Variants in XG observed in about 807,000 individuals in gnomAD.
XG encodes glycoprotein Xg.
Under a neutral mutation model 25.7 loss-of-function variants are expected in XG, and 24 were observed. The observed-to-expected ratio is 0.93, with a 90% CI of 0.68 to 1.31. The LOEUF is 1.31. Among genes scored for constraint, XG ranks in the 40% most tolerant of loss-of-function variants. The probability of loss-of-function intolerance (pLI) is 0.00; values close to 1 mark genes in which losing one functional copy is unlikely to be tolerated. For synonymous variants in XG, 77 were observed against 69.2 expected (o/e 1.11, Z -0.56); for missense variants, 181 against 187.6 (o/e 0.96, Z 0.21).
At chrX:2,754,995 C>T (rs950254274) in intron 1 of XG, among the ~76,000 whole-genome samples, 11 of 152,162 alleles carry the variant, frequency 7.2e-5, no homozygotes, top group Non-Finnish European at 1.5e-5. Context: ...TGGACGGGGG[C>T]AGCCGGCAGC....
At chrX:2,755,145 C>T (rs1209880806) in intron 1 of XG, among the ~76,000 whole-genome samples, 1 of 152,082 alleles carries the variant, frequency 6.6e-6, no homozygotes, top group Non-Finnish European at 1.5e-5. Context: ...GACGCCAAGA[C>T]GGGGTTCTTG....
intron 5 of XG, among the ~76,000 whole-genome samples, chrX:2,793,044 C>T (rs958787872): frequency 7.3e-5 from 8 of 109,934 alleles, no homozygotes; most frequent in African/African-American, 2.3e-4. Context: ...GGACTACAGG[C>T]GCACACCACC....
intron 3 of XG, among the ~76,000 whole-genome samples, chrX:2,775,525 C>T (rs1168894910): frequency 2.6e-5 from 4 of 152,022 alleles, no homozygotes; most frequent in African/African-American, 7.2e-5. Flanking sequence ...TTTGGGGGAA[C>T]GAAAGCATTC....
At chrX:2,808,163 G>A (rs754399310) in intron 8 of XG, 22 bp from the exon 9 acceptor site, 5 of 1,209,964 alleles carry the variant, frequency 4.1e-6, no homozygotes, top group Middle Eastern at 2.3e-4. Flanking sequence ...GAATAAACAC[G>A]AACATCCTTT....
At chrX:2,796,995 A>C (rs750991636) in intron 6 of XG, among the ~76,000 whole-genome samples, 1 of 112,087 alleles carries the variant, frequency 8.9e-6, no homozygotes, top group South Asian at 3.8e-4. Flanking sequence ...GGCTGATCTC[A>C]TATCAGTTTC....
chrX:2,794,266 C>T (rs2086862744), intron 5 of XG, among the ~76,000 whole-genome samples: 1 of 111,903 alleles, frequency 8.9e-6, no homozygotes, highest in Non-Finnish European at 1.9e-5. Context: ...ACGGTTGGCC[C>T]TGGGAGGGCT....
chrX:2,790,501 A>G (rs1262103340), intron 5 of XG, among the ~76,000 whole-genome samples: 2 of 45,412 alleles, frequency 4.4e-5, no homozygotes, highest in Non-Finnish European at 1.0e-4. Flanking sequence ...CCCTGTCTCA[A>G]AAGGAAAAAA....
rs180876935 is a variant in XG at position 2,770,539 on chromosome X, G to C, written c.62-11G>C. 56 of 1,613,896 alleles carry C rather than the reference G, an allele frequency of 3.5e-5. 1 individual carries two copies. In the African/African-American group the frequency reaches 6.5e-4, roughly 19 times the overall value. The stretch of plus-strand genomic sequence containing the variant: ...TCATGGGGTGACTTATGCCCTGTTT[G>C]CTCCCAATAGGTCAAAGAGACTTTG... On this transcript the variant is annotated splice_polypyrimidine_tract_variant and intron_variant, in intron 1 of 10. Transcript: ENST00000644266.
chrX:2,779,740 G>A (rs1452797937), intron 3 of XG, among the ~76,000 whole-genome samples: 6 of 152,060 alleles, frequency 3.9e-5, no homozygotes, highest in Non-Finnish European at 8.8e-5. Context: ...TCCACCTCCC[G>A]GGTTCAAGAG....
chrX:2,771,831 T>C (rs962602433), intron 2 of XG, among the ~76,000 whole-genome samples: 4 of 152,186 alleles, frequency 2.6e-5, no homozygotes, highest in Non-Finnish European at 4.4e-5. Context: ...ATGTTTTTGC[T>C]AATAATTATC....
At chrX:2,768,913 C>T (rs750648014) in intron 1 of XG, among the ~76,000 whole-genome samples, 2 of 152,282 alleles carry the variant, frequency 1.3e-5, no homozygotes, top group African/African-American at 4.8e-5. Flanking sequence ...GACGTGGGGG[C>T]TCCCAGAGTT....
chrX:2,816,350 A>G lies in XG; in HGVS notation c.*1970A>G, dbSNP rs754979151. 12 of 112,064 alleles carry G rather than the reference A, an allele frequency of 1.1e-4. No individual in the cohort carries two copies. The highest frequency in any genetic ancestry group is 3.9e-4 in the African/African-American group (12 of 30,898). The allele number at this position is 112,064 out of a possible 1,213,427, so 9.2% of individuals were successfully genotyped here. A position where few individuals can be genotyped will look rare whatever the true frequency, so the allele number is the denominator to read the frequency against. On this transcript the variant is annotated 3_prime_UTR_variant, in exon 11 of 11. Transcript: ENST00000644266. Reference sequence around the variant, plus strand: ...TGACCCTTGAACAACACAGGGCTGAACTGCACATGTCCACCTGTATGTGAG... The same window carrying G: ...TGACCCTTGAACAACACAGGGCTGAGCTGCACATGTCCACCTGTATGTGAG...
chrX:2,763,831 G>C (rs2050617674), intron 1 of XG, among the ~76,000 whole-genome samples: 2 of 152,218 alleles, frequency 1.3e-5, no homozygotes, highest in South Asian at 4.2e-4. Flanking sequence ...ACTTCCTCAC[G>C]CTGCAATCCC....
intron 10 of XG, among the ~76,000 whole-genome samples, chrX:2,811,815 T>C (rs1462010318): frequency 1.3e-4 from 14 of 110,809 alleles, no homozygotes; most frequent in Non-Finnish European, 2.5e-4. Flanking sequence ...AGGCTGGTCT[T>C]GAACTCCTGA....
chrX:2,787,509 C>T (rs1267833686), intron 4 of XG, among the ~76,000 whole-genome samples: 1 of 111,537 alleles, frequency 9.0e-6, no homozygotes, highest in African/African-American at 3.3e-5. Flanking sequence ...CGGGCAGTGC[C>T]TTCTGGCCTG....
At chrX:2,802,022 A>G (rs2086949380) in intron 7 of XG, among the ~76,000 whole-genome samples, 2 of 111,218 alleles carry the variant, frequency 1.8e-5, no homozygotes, top group Non-Finnish European at 1.9e-5. Flanking sequence ...TCAACTTTAC[A>G]GGCTGCTCTT....
In XG at chrX:2,768,323, A is replaced by G. The variant is rs186321585; in HGVS notation, c.62-2227A>G. On this transcript the variant is annotated intron_variant, in intron 1 of 10. Coordinates refer to ENST00000644266, the MANE Select transcript of XG (RefSeq NM_001141919.2). ...GAATGTAAATTCTCAGGGTGTGTGC[A>G]TAGCCGGGACGCTTAACTTTGGCGT... Among the ~76,000 whole-genome samples the G allele has an allele frequency of 3.6e-4, 55 of 152,328 alleles. No homozygotes were observed. The East Asian group carries it at 0.01, about 28-fold the overall frequency.
chrX:2,765,309 C>T (rs2050657312), intron 1 of XG, among the ~76,000 whole-genome samples: 1 of 150,950 alleles, frequency 6.6e-6, no homozygotes, highest in African/African-American at 2.4e-5. Context: ...AGAGATTGCG[C>T]CATTGCACTG....
intron 5 of XG, among the ~76,000 whole-genome samples, chrX:2,790,308 C>T (rs754442053): frequency 9.2e-6 from 1 of 108,617 alleles, no homozygotes; most frequent in Non-Finnish European, 1.9e-5. Context: ...TGACACCAGC[C>T]TGAGCAATAT....
Sources: gnomAD v4.1 joint callset for allele counts (sites outside exome capture counted in the v4.1 genomes callset) on GRCh38, gnomAD v4.1.1 for gene constraint, MANE v1.5 for transcripts, NCBI Gene and HGNC (gene_info 2026-07-23, HGNC 2026-07-21) for gene names.